Variants in SPAG16 observed in about 807,000 individuals in gnomAD.
The protein encoded by SPAG16 is sperm associated antigen 16, also known as sperm-associated antigen 16 protein.
In SPAG16, 86 loss-of-function variants were observed where a neutral mutation model predicts 80.4. The observed-to-expected ratio is 1.07, with a 90% CI of 0.90 to 1.28. The LOEUF (loss-of-function observed/expected upper bound fraction) is 1.28. Among genes scored for constraint, SPAG16 ranks in the 50% most tolerant of loss-of-function variants. The pLI is 0.00. For synonymous variants in SPAG16, 294 were observed against 265.9 expected (o/e 1.11, Z -1.03); for missense variants, 870 against 765.3 (o/e 1.14, Z -1.61).
intron 5 of SPAG16, among the ~76,000 whole-genome samples, chr2:213,337,719 A>G (rs2064443570): frequency 6.6e-6 from 1 of 152,158 alleles, no homozygotes; most frequent in African/African-American, 2.4e-5. Flanking sequence ...GAACTGTGTG[A>G]TTATGTTAAA....
intron 10 of SPAG16, among the ~76,000 whole-genome samples, chr2:213,592,145 A>G (rs2060715018): frequency 6.6e-6 from 1 of 152,228 alleles, no homozygotes. Flanking sequence ...TTCAGCATAT[A>G]AAAAACAAAA....
chr2:214,173,469 G>C (rs1191960633), intron 15 of SPAG16, among the ~76,000 whole-genome samples: 1 of 151,898 alleles, frequency 6.6e-6, no homozygotes, highest in African/African-American at 2.4e-5. Context: ...CTCTGTTTTG[G>C]TACCAGTACC....
intron 8 of SPAG16, among the ~76,000 whole-genome samples, chr2:213,366,065 C>T (rs963319287): frequency 6.8e-6 from 1 of 147,720 alleles, no homozygotes; most frequent in African/African-American, 2.5e-5. Flanking sequence ...TGGTGTGAAC[C>T]CGGGAGGCGG....
intron 3 of SPAG16, among the ~76,000 whole-genome samples, chr2:213,298,287 C>G (rs930524415): frequency 1.3e-5 from 2 of 152,160 alleles, no homozygotes; most frequent in Non-Finnish European, 2.9e-5. Flanking sequence ...ATAGCTTCTT[C>G]TTGGTAGACA....
At chr2:213,351,856 A>G (rs555551700) in intron 7 of SPAG16, among the ~76,000 whole-genome samples, 10 of 152,208 alleles carry the variant, frequency 6.6e-5, no homozygotes, top group Admixed American at 2.6e-4. Flanking sequence ...GTAATATTGG[A>G]TACAATGATA....
chr2:213,325,420 C>T (rs1405801165), intron 5 of SPAG16, among the ~76,000 whole-genome samples: 1 of 151,946 alleles, frequency 6.6e-6, no homozygotes, highest in African/African-American at 2.4e-5. Flanking sequence ...AGTTAATTTT[C>T]TTTACTATAG....
intron 12 of SPAG16, among the ~76,000 whole-genome samples, chr2:213,974,077 T>C (rs2045230170): frequency 6.6e-6 from 1 of 152,090 alleles, no homozygotes; most frequent in Non-Finnish European, 1.5e-5. Flanking sequence ...TTAGTGATAA[T>C]AGGGAGAAAA....
chr2:213,825,354 T>C (rs913365875), intron 10 of SPAG16, among the ~76,000 whole-genome samples: 6 of 152,146 alleles, frequency 3.9e-5, no homozygotes, highest in African/African-American at 1.4e-4. Context: ...TACTACTAGC[T>C]GTGAGTCTGT....
intron 11 of SPAG16, among the ~76,000 whole-genome samples, chr2:213,903,294 A>G (rs10165766): frequency 0.59 from 88,967 of 151,996 alleles, 27,853 homozygotes; most frequent in South Asian, 0.84. Context: ...TGGGCATCCC[A>G]CCCCTGCAGC....
intron 9 of SPAG16, among the ~76,000 whole-genome samples, chr2:213,480,394 C>A (rs1468123816): frequency 1.3e-5 from 2 of 152,176 alleles, no homozygotes; most frequent in Non-Finnish European, 2.9e-5. Flanking sequence ...AAAGTTTTGC[C>A]TTGCCTTTGA....
intron 15 of SPAG16, among the ~76,000 whole-genome samples, chr2:214,242,823 T>C (rs569497703): frequency 2.6e-5 from 4 of 152,268 alleles, no homozygotes; most frequent in African/African-American, 4.8e-5. Flanking sequence ...AGGACATATG[T>C]AGCATCTTCT....
At chr2:214,243,837 C>A (rs1470520325) in intron 15 of SPAG16, among the ~76,000 whole-genome samples, 1 of 151,886 alleles carries the variant, frequency 6.6e-6, no homozygotes, top group Non-Finnish European at 1.5e-5. Flanking sequence ...CTCCTTCTAC[C>A]CATAGCCCTT....
chr2:213,689,840 T>C (rs1559378872), intron 10 of SPAG16, among the ~76,000 whole-genome samples: 1 of 152,168 alleles, frequency 6.6e-6, no homozygotes, highest in Non-Finnish European at 1.5e-5. Flanking sequence ...TTTACTATGC[T>C]GCTGTAGAGA....
At chr2:214,321,574 A>G (rs1168030633) in intron 15 of SPAG16, among the ~76,000 whole-genome samples, 4 of 152,228 alleles carry the variant, frequency 2.6e-5, no homozygotes, top group African/African-American at 4.8e-5. Flanking sequence ...TAATTTACTT[A>G]AAGTTACTAT....
At chr2:214,100,733 A>G (rs1157630567) in intron 13 of SPAG16, among the ~76,000 whole-genome samples, 2 of 152,054 alleles carry the variant, frequency 1.3e-5, no homozygotes, top group African/African-American at 4.8e-5. Context: ...ATTCTTTTTT[A>G]CGCCTGAATA....
At chr2:213,824,096 G>T (rs2073122504) in intron 10 of SPAG16, among the ~76,000 whole-genome samples, 1 of 152,190 alleles carries the variant, frequency 6.6e-6, no homozygotes, top group Non-Finnish European at 1.5e-5. Context: ...TGTATGAAGT[G>T]TAAGGAAGGG....
intron 9 of SPAG16, among the ~76,000 whole-genome samples, chr2:213,385,792 CCACACACA>C (rs55899353): frequency 1.3e-5 from 2 of 149,332 alleles, no homozygotes; most frequent in East Asian, 3.9e-4. Flanking sequence ...TCATCTCTGT[CCACACACA>C]CACACACACA....
At chr2:214,130,135 C>T (rs1488043824) in intron 14 of SPAG16, among the ~76,000 whole-genome samples, 1 of 152,148 alleles carries the variant, frequency 6.6e-6, no homozygotes, top group East Asian at 1.9e-4. Context: ...CAAACTTATT[C>T]AGTTCTGATT....
intron 10 of SPAG16, among the ~76,000 whole-genome samples, chr2:213,812,464 C>T (rs1212863921): frequency 6.6e-6 from 1 of 152,142 alleles, no homozygotes; most frequent in African/African-American, 2.4e-5. Flanking sequence ...TAGGTTATTA[C>T]AACCAAAATA....
Sources: allele counts gnomAD v4.1 joint callset (sites outside exome capture counted in the v4.1 genomes callset), GRCh38; gene constraint gnomAD v4.1.1; transcripts MANE v1.5; gene names NCBI Gene and HGNC (gene_info 2026-07-23, HGNC 2026-07-21).